CPS1: variants seen among roughly 807,000 people sequenced by gnomAD.
The protein encoded by CPS1 is carbamoyl-phosphate synthase [ammonia], mitochondrial.
CPS1 carries 109 observed loss-of-function variants against 174.6 expected under a neutral mutation model. That is an observed-to-expected ratio of 0.62 (90% CI 0.53 to 0.73). CPS1 has a LOEUF of 0.73. Ranked by LOEUF, CPS1 falls within the 30% of genes least tolerant of loss-of-function variation. The pLI, the probability that CPS1 is intolerant of heterozygous loss-of-function variation, is 0.00. For missense variants in CPS1, 1,689 were observed against 1,821.9 expected (o/e 0.93, Z 1.33); for synonymous variants, 637 against 632.0 (o/e 1.01, Z -0.12).
At chr2:210,621,306 G>A (rs1699520214) in intron 21 of CPS1, among the ~76,000 whole-genome samples, 1 of 152,084 alleles carries the variant, frequency 6.6e-6, no homozygotes, top group African/African-American at 2.4e-5. Flanking sequence ...TACTTGTTAT[G>A]TGTATGCTTT....
chr2:210,545,096 C>T (rs1299687026), intron 1 of CPS1, among the ~76,000 whole-genome samples: 2 of 152,032 alleles, frequency 1.3e-5, no homozygotes, highest in Non-Finnish European at 1.5e-5. Context: ...GTTCTTTTCC[C>T]AGACGTAGCA....
chr2:210,651,587 G>A (rs80088106), intron 28 of CPS1, among the ~76,000 whole-genome samples: 4,342 of 152,286 alleles, frequency 0.029, 92 homozygotes, highest in Admixed American at 0.046. Flanking sequence ...GATGAGGCAG[G>A]TGTCCCCTCT....
chr2:210,607,008 TAGTGGA>T (rs1443528806), intron 18 of CPS1, 67 bp downstream of exon 18: 4 of 1,430,604 alleles, frequency 2.8e-6, no homozygotes, highest in Non-Finnish European at 3.9e-6. Context: ...AATTGACAGA[TAGTGGA>T]AGACTGTACT....
intron 16 of CPS1, 54 bp downstream of exon 16, chr2:210,602,384 AC>A (rs1698758545): frequency 1.3e-6 from 2 of 1,590,064 alleles, no homozygotes; most frequent in South Asian, 1.1e-5. Context: ...GGCTTGATAG[AC>A]CTTTTCAACT....
chr2:210,505,288 AAAACTGCAATTACTTTAGC>A (rs1695247412), intron 1 of CPS1, among the ~76,000 whole-genome samples: 1 of 151,796 alleles, frequency 6.6e-6, no homozygotes, highest in Non-Finnish European at 1.5e-5. Flanking sequence ...AGTAGTGGCC[AAAACTGCAATTACTTTAGC>A]ACCAACCTAA....
intron 21 of CPS1, among the ~76,000 whole-genome samples, chr2:210,626,122 G>T (rs1333519863): frequency 6.6e-6 from 1 of 152,060 alleles, no homozygotes; most frequent in African/African-American, 2.4e-5. Context: ...GCAAAAAATT[G>T]TGTTAATTTG....
upstream of CPS1, among the ~76,000 whole-genome samples, chr2:210,555,388 T>G (rs988589860): frequency 2.0e-5 from 3 of 152,090 alleles, no homozygotes; most frequent in Non-Finnish European, 4.4e-5. Context: ...TTTGGGCAAC[T>G]TTCATGGCAC....
intron 1 of CPS1, among the ~76,000 whole-genome samples, chr2:210,523,249 G>A (rs1222214317): frequency 6.6e-6 from 1 of 152,066 alleles, no homozygotes; most frequent in African/African-American, 2.4e-5. Flanking sequence ...CCTTAAACCA[G>A]CAGACTTTAT....
In CPS1 at chr2:210,608,571, GT is replaced by G; in HGVS notation, c.2391+15del. ...AAAGTGTAGGAGAGGTGAGTCCTTG[GT>G]TTATTACGCTTTTCTTCTTGTTCTC... is the stretch of plus-strand genomic sequence containing the variant. On this transcript the variant is annotated intron_variant, in intron 19 of 37. Coordinates refer to ENST00000233072, the MANE Select transcript of CPS1 (RefSeq NM_001875.5). 1 of 1,609,626 alleles carries G rather than the reference GT, an allele frequency of 6.2e-7. No individual in the cohort carries two copies.
intron 1 of CPS1, among the ~76,000 whole-genome samples, chr2:210,482,062 C>T (rs1694583919): frequency 6.6e-6 from 1 of 152,180 alleles, no homozygotes; most frequent in African/African-American, 2.4e-5. Flanking sequence ...GTTTTTGGAA[C>T]TAGCTGAGAA....
chr2:210,647,674 G>T (rs1226467838), intron 25 of CPS1, among the ~76,000 whole-genome samples, 189 bp from the exon 26 acceptor site: 1 of 152,156 alleles, frequency 6.6e-6, no homozygotes, highest in Admixed American at 6.5e-5. Flanking sequence ...ATCTTGCACA[G>T]ATTTTAGCAT....
At chr2:210,675,663 T>C (rs1574678545) in intron 35 of CPS1, 65 bp from the exon 36 acceptor site, 2 of 823,512 alleles carry the variant, frequency 2.4e-6, no homozygotes, top group East Asian at 4.9e-5. Context: ...TGTTTTAAAT[T>C]ACATGTTCCA....
At chr2:210,488,775 A>G (rs963265136) in intron 1 of CPS1, among the ~76,000 whole-genome samples, 8 of 152,274 alleles carry the variant, frequency 5.3e-5, no homozygotes, top group African/African-American at 1.4e-4. Flanking sequence ...AGCTATGCCT[A>G]TCTCCTCTTC....
At chr2:210,508,466 G>T (rs1280458600) in intron 1 of CPS1, among the ~76,000 whole-genome samples, 2 of 151,962 alleles carry the variant, frequency 1.3e-5, no homozygotes, top group Non-Finnish European at 2.9e-5. Flanking sequence ...ACAATTAAAA[G>T]AACTAGAGAA....
chr2:210,572,966 G>A lies in CPS1; in HGVS notation c.127-332G>A, dbSNP rs932435992. Among the ~76,000 whole-genome samples, 9 of 152,080 alleles carry A rather than the reference G, an allele frequency of 5.9e-5. 1 individual carries two copies. The highest frequency in any genetic ancestry group is 2.2e-4 in the African/African-American group (9 of 41,434). ...CTATTCTTGAGCAAAGCTAGGGAAT[G>A]ATAAAGGGGAAAAGACAGATACATA... On this transcript the variant is annotated intron_variant, in intron 1 of 37. Transcript: ENST00000233072.
intron 6 of CPS1, among the ~76,000 whole-genome samples, chr2:210,587,198 A>C (rs1698139285): frequency 6.6e-6 from 1 of 152,096 alleles, no homozygotes; most frequent in Non-Finnish European, 1.5e-5. Context: ...GGAGAGGTAG[A>C]TATTTCAGTC....
chr2:210,678,205 A>G lies in CPS1; in HGVS notation c.*220A>G, dbSNP rs1020873573. On this transcript the variant is annotated 3_prime_UTR_variant, in exon 38 of 38. Transcript: ENST00000233072. Reference sequence around the variant, plus strand: ...AGTTACTCTTCATGAGATTTCATCCATTTACTAATACTGTATTTTTGGTGG... The same window carrying G: ...AGTTACTCTTCATGAGATTTCATCCGTTTACTAATACTGTATTTTTGGTGG... 45 of 609,856 alleles carry G rather than the reference A, an allele frequency of 7.4e-5. No homozygotes were observed. Among genetic ancestry groups the G allele is most frequent in the Admixed American group, 2.7e-4 (11 of 40,936 alleles). The allele number at this position is 609,856 out of a possible 1,614,324, so 37.8% of individuals were successfully genotyped here. A position where few individuals can be genotyped will look rare whatever the true frequency, so the allele number is the denominator to read the frequency against.
At chr2:210,594,088 A>G (rs991080831) in intron 11 of CPS1, among the ~76,000 whole-genome samples, 1 of 151,888 alleles carries the variant, frequency 6.6e-6, no homozygotes, top group Non-Finnish European at 1.5e-5. Context: ...GATTAAGAAT[A>G]ATCTTCAGAA....
At chr2:210,511,577 G>A (rs1285357722) in intron 1 of CPS1, among the ~76,000 whole-genome samples, 2 of 152,018 alleles carry the variant, frequency 1.3e-5, no homozygotes, top group Non-Finnish European at 1.5e-5. Flanking sequence ...AAATGTCCAT[G>A]GGAGCTGATG....
Sources: gnomAD v4.1 joint callset for allele counts (sites outside exome capture counted in the v4.1 genomes callset) on GRCh38, gnomAD v4.1.1 for gene constraint, MANE v1.5 for transcripts, NCBI Gene and HGNC (gene_info 2026-07-23, HGNC 2026-07-21) for gene names.